The following MDGA2 variants were observed in gnomAD, a reference collection of about 807,000 sequenced individuals.
MDGA2 encodes the protein MAM domain containing glycosylphosphatidylinositol anchor 2.
In MDGA2, 40 loss-of-function variants were observed where a neutral mutation model predicts 117.8. The observed-to-expected ratio is 0.34, with a 90% CI of 0.26 to 0.44. The LOEUF (loss-of-function observed/expected upper bound fraction) is 0.44, where lower values mean the gene tolerates loss of function less well. MDGA2 is among the 20% of genes least tolerant of loss of function. The probability of loss-of-function intolerance (pLI) is 1.00; values close to 1 mark genes in which losing one functional copy is unlikely to be tolerated. For missense variants in MDGA2, 1,123 were observed against 1,250.6 expected (o/e 0.90, Z 1.54); for synonymous variants, 452 against 439.0 (o/e 1.03, Z -0.37).
chr14:47,646,248 A>C (rs1897532380), intron 1 of MDGA2, among the ~76,000 whole-genome samples: 1 of 152,188 alleles, frequency 6.6e-6, no homozygotes, highest in African/African-American at 2.4e-5. Context: ...TAGATTACCA[A>C]ACTAGTTTCT....
intron 8 of MDGA2, among the ~76,000 whole-genome samples, chr14:47,000,401 A>ATC (rs1491427139): frequency 4.7e-4 from 1 of 2,148 alleles, no homozygotes; most frequent in African/African-American, 6.5e-4. Context: ...TTATATATAA[A>ATC]TATATATTTA....
chr14:47,025,391 T>C (rs1356881468), intron 8 of MDGA2, among the ~76,000 whole-genome samples: 2 of 152,160 alleles, frequency 1.3e-5, no homozygotes, highest in Admixed American at 1.3e-4. Context: ...GTAACTGGCA[T>C]GTCTCTTCAA....
intron 1 of MDGA2, among the ~76,000 whole-genome samples, chr14:47,412,524 C>T (rs1167498455): frequency 6.6e-6 from 1 of 152,194 alleles, no homozygotes; most frequent in East Asian, 1.9e-4. Context: ...TCAAGCAATC[C>T]TCTAGCCTTG....
intron 8 of MDGA2, among the ~76,000 whole-genome samples, chr14:47,000,333 TTA>T (rs199648904): frequency 0.13 from 16,996 of 128,536 alleles, 1,226 homozygotes; most frequent in Admixed American, 0.22. Flanking sequence ...ATATATATAT[TTA>T]TATATATATA....
chr14:46,920,287 T>C, intron 9 of MDGA2, 127 bp from the exon 10 acceptor site: 2 of 904,412 alleles, frequency 2.2e-6, no homozygotes, highest in Admixed American at 3.5e-5. Flanking sequence ...CAATCAATTT[T>C]CTGGATATGT....
At chr14:47,440,617 A>G (rs1258317572) in intron 1 of MDGA2, among the ~76,000 whole-genome samples, 1 of 152,126 alleles carries the variant, frequency 6.6e-6, no homozygotes, top group East Asian at 1.9e-4. Flanking sequence ...GATACCATAA[A>G]GTAATAAAGA....
At chr14:47,252,500 G>C (rs942363108) in intron 2 of MDGA2, among the ~76,000 whole-genome samples, 7 of 151,958 alleles carry the variant, frequency 4.6e-5, no homozygotes, top group African/African-American at 1.7e-4. Context: ...GTAAGCTCCT[G>C]ATAGCAATAA....
chr14:46,895,684 G>A lies in MDGA2; in HGVS notation c.2239-13463C>T, dbSNP rs551429920. On this transcript the variant is annotated intron_variant, in intron 10 of 16. Coordinates refer to ENST00000399232, the MANE Select transcript of MDGA2 (RefSeq NM_001113498.3). ...GGAGGTTGCAGTGAGCCGAGATCGC[G>A]CCAGTGCACTCCAGCCTGGGCGACA... Among the ~76,000 whole-genome samples the A allele has an allele frequency of 1.4e-4, 21 of 151,494 alleles. No individual in the cohort carries two copies. The East Asian group carries it at 3.7e-3, about 27-fold the overall frequency.
chr14:47,528,977 G>A (rs1373117793), intron 1 of MDGA2, among the ~76,000 whole-genome samples: 1 of 141,894 alleles, frequency 7.0e-6, no homozygotes, highest in African/African-American at 2.6e-5. Flanking sequence ...CTCCTATAGT[G>A]TCAAGGGAGA....
At chr14:47,305,562 C>G (rs916895787) in intron 1 of MDGA2, among the ~76,000 whole-genome samples, 1 of 152,166 alleles carries the variant, frequency 6.6e-6, no homozygotes, top group African/African-American at 2.4e-5. Context: ...CAAATTCACT[C>G]TGGAGAAATA....
chr14:47,050,837 C>T (rs1388711463), intron 7 of MDGA2, among the ~76,000 whole-genome samples: 3 of 151,850 alleles, frequency 2.0e-5, no homozygotes, highest in Non-Finnish European at 4.4e-5. Context: ...AGATCTCTCC[C>T]AACTTTTGGG....
chr14:47,068,414 A>AT (rs1555349024), intron 6 of MDGA2, among the ~76,000 whole-genome samples: 1 of 133,740 alleles, frequency 7.5e-6, no homozygotes, highest in Non-Finnish European at 1.5e-5. Context: ...GTAAGAAAAA[A>AT]AAAATATATA....
chr14:46,851,856 C>A (rs1309478157), intron 15 of MDGA2, among the ~76,000 whole-genome samples: 1 of 151,168 alleles, frequency 6.6e-6, no homozygotes, highest in Non-Finnish European at 1.5e-5. Context: ...ACGTTACATA[C>A]CAAATAAAGT....
chr14:46,870,319 T>A (rs1184308640), intron 14 of MDGA2, among the ~76,000 whole-genome samples: 1 of 152,082 alleles, frequency 6.6e-6, no homozygotes, highest in Non-Finnish European at 1.5e-5. Context: ...ATAAATTTAA[T>A]TAGGCTATTA....
At chr14:47,284,507 C>T (rs1370172231) in intron 2 of MDGA2, among the ~76,000 whole-genome samples, 3 of 152,252 alleles carry the variant, frequency 2.0e-5, no homozygotes, top group Middle Eastern at 3.4e-3. Context: ...AGATGGCCTT[C>T]AGGTACCCCA....
intron 8 of MDGA2, among the ~76,000 whole-genome samples, chr14:46,987,704 A>G (rs962030028): frequency 6.6e-6 from 1 of 152,074 alleles, no homozygotes; most frequent in Non-Finnish European, 1.5e-5. Flanking sequence ...CTGATCTTGA[A>G]GGGAAGGGAA....
intron 9 of MDGA2, among the ~76,000 whole-genome samples, chr14:46,939,399 A>T (rs552929173): frequency 6.6e-6 from 1 of 152,312 alleles, no homozygotes; most frequent in Non-Finnish European, 1.5e-5. Context: ...ATTATAAGTC[A>T]CTTAAAAAGT....
At chr14:47,176,186 G>T (rs1469340757) in intron 3 of MDGA2, among the ~76,000 whole-genome samples, 4 of 152,148 alleles carry the variant, frequency 2.6e-5, no homozygotes, top group African/African-American at 9.7e-5. Flanking sequence ...CCATGCTCAT[G>T]GGTAGGAAGA....
intron 15 of MDGA2, among the ~76,000 whole-genome samples, chr14:46,852,228 G>A (rs11157530): frequency 0.023 from 3,467 of 151,724 alleles, 137 homozygotes; most frequent in African/African-American, 0.078. Context: ...ACAGGAACAA[G>A]GCTATATTTC....
Sources: gnomAD v4.1 joint callset for allele counts (sites outside exome capture counted in the v4.1 genomes callset) on GRCh38, gnomAD v4.1.1 for gene constraint, MANE v1.5 for transcripts, NCBI Gene and HGNC (gene_info 2026-07-23, HGNC 2026-07-21) for gene names.